Variants in NAA30 observed in about 807,000 individuals in gnomAD.
NAA30 encodes N-alpha-acetyltransferase 30.
A neutral mutation model predicts 31.4 loss-of-function variants in NAA30; 5 were observed. That is an observed-to-expected ratio of 0.16 (90% CI 0.08 to 0.33). The LOEUF (loss-of-function observed/expected upper bound fraction) is 0.33. Ranked by LOEUF, NAA30 falls within the 10% of genes least tolerant of loss-of-function variation. NAA30 has a pLI of 1.00. For missense variants in NAA30, 428 were observed against 490.8 expected (o/e 0.87, Z 1.21); for synonymous variants, 222 against 207.1 (o/e 1.07, Z -0.62).
intron 4 of NAA30, among the ~76,000 whole-genome samples, chr14:57,405,244 G>A (rs576135932): frequency 3.3e-5 from 5 of 152,016 alleles, no homozygotes; most frequent in South Asian, 2.1e-4. Flanking sequence ...TAGATTATTA[G>A]GAGCCAAGAA....
At chr14:57,395,237 A>T (rs903973263) in intron 2 of NAA30, among the ~76,000 whole-genome samples, 1 of 152,180 alleles carries the variant, frequency 6.6e-6, no homozygotes, top group Non-Finnish European at 1.5e-5. Context: ...ATATTCCTTC[A>T]AAAGGATTTT....
chr14:57,391,199 A>G lies in NAA30; in HGVS notation c.242A>G (p.Gln81Arg). 6.2e-7 allele frequency: 1 copy of G among 1,611,702 alleles called. No individual in the cohort carries two copies. The highest frequency in any genetic ancestry group is 1.1e-5 in the South Asian group (1 of 91,040). ...CGCTGCCCTCAGCCGCCGCAGGAGC[A>G]GCAGCAGCTCAACGGATTGATTAGC... ...CLRCPQPPQEQQQLNGLISPE... is the reference protein window; with the variant it reads ...CLRCPQPPQERQQLNGLISPE... The change falls in exon 2 of 5, where the codon CAG (glutamine) becomes CGG (arginine). Residue 81 changes from glutamine (Q) to arginine (R), a missense_variant. Around this residue, in one of 2 missense-constraint regions of NAA30, gnomAD observed 349 missense variants for 310.4 expected, o/e 1.12. Transcript: ENST00000556492. This position sits in a 1 kb window ranked among gnomAD's most constrained non-coding sequence, Gnocchi z 4.1.
chr14:57,398,346 G>A (rs1166442478), intron 3 of NAA30, among the ~76,000 whole-genome samples: 1 of 152,158 alleles, frequency 6.6e-6, no homozygotes, highest in Non-Finnish European at 1.5e-5. Flanking sequence ...CTAGTTTGGA[G>A]GGCAGAAACC....
intron 4 of NAA30, among the ~76,000 whole-genome samples, chr14:57,402,401 A>G (rs539488860): frequency 6.6e-6 from 1 of 152,316 alleles, no homozygotes; most frequent in East Asian, 1.9e-4. Flanking sequence ...TTTGTGATAG[A>G]GTACCTGCTT....
At chr14:57,403,128 C>T (rs1243225571) in intron 4 of NAA30, among the ~76,000 whole-genome samples, 2 of 151,918 alleles carry the variant, frequency 1.3e-5, no homozygotes, top group Admixed American at 1.3e-4. Context: ...TTGCAGTGAG[C>T]CAAGATTGCA....
chr14:57,392,409 AT>A (rs199745313), intron 2 of NAA30, among the ~76,000 whole-genome samples: 10,275 of 146,244 alleles, frequency 0.07, 433 homozygotes, highest in East Asian at 0.27. Flanking sequence ...TACCGATCTG[AT>A]TTTTTTTTTT....
chr14:57,406,687 G>T (rs901263403), intron 4 of NAA30, among the ~76,000 whole-genome samples: 1 of 152,102 alleles, frequency 6.6e-6, no homozygotes, highest in Non-Finnish European at 1.5e-5. Flanking sequence ...GTTTTGAGTT[G>T]TTGTGACTTT....
In NAA30 at chr14:57,391,701, C is replaced by T. The variant is rs1241545573; in HGVS notation, c.744C>T (p.Ile248=). The part of the protein sequence containing the change: ...PYSIYTYRYF[I]HNWPQLCFLA... ...CCATTTATACCTATAGATATTTTAT[C>T]CACAACTGGCCACAGCTGTGCTTCT... is the stretch of plus-strand genomic sequence containing the variant. Residue 248 remains isoleucine (I), a synonymous_variant, in exon 2 of 5, where the codon ATC becomes ATT. Transcript: ENST00000556492. This position sits in a 1 kb window ranked among gnomAD's most constrained non-coding sequence, Gnocchi z 4.1. 1 of 1,609,796 alleles carries T rather than the reference C, an allele frequency of 6.2e-7. No homozygotes were observed. The highest frequency in any genetic ancestry group is 1.7e-5 in the Admixed American group (1 of 59,722).
At chr14:57,402,383 G>A (rs2066480797) in intron 4 of NAA30, among the ~76,000 whole-genome samples, 1 of 152,212 alleles carries the variant, frequency 6.6e-6, no homozygotes, top group African/African-American at 2.4e-5. Flanking sequence ...TTAGTGCTTA[G>A]TGTGACATTT....
In NAA30 at chr14:57,403,848, G is replaced by A. The variant is rs1324955084; in HGVS notation, c.951+3965G>A. On this transcript the variant is annotated intron_variant, in intron 4 of 4. Transcript: ENST00000556492. ...TGTACCTAAAATCAACCTACTTGGTGGCCATTTACATTTATGTACTTTTTT... is the reference window on the plus strand; with the variant it reads ...TGTACCTAAAATCAACCTACTTGGTAGCCATTTACATTTATGTACTTTTTT... Among the ~76,000 whole-genome samples, 17 of 152,132 alleles carry A rather than the reference G, an allele frequency of 1.1e-4. 1 individual carries two copies. In the East Asian group the frequency reaches 3.3e-3, roughly 29 times the overall value.
intron 4 of NAA30, among the ~76,000 whole-genome samples, chr14:57,408,133 T>C (rs1341235172): frequency 1.3e-5 from 2 of 152,214 alleles, no homozygotes; most frequent in African/African-American, 2.4e-5. Flanking sequence ...TGTCAGACTT[T>C]TTGATAGCTT....
At chr14:57,398,241 A>G (rs2066459535) in intron 3 of NAA30, among the ~76,000 whole-genome samples, 1 of 152,108 alleles carries the variant, frequency 6.6e-6, no homozygotes, top group African/African-American at 2.4e-5. Flanking sequence ...TAAGATTTTT[A>G]ATGAATTGGG....
Position 57,410,494 on chromosome 14 carries a change from T to G in NAA30, c.*978T>G, listed in dbSNP as rs945337909. The G allele has an allele frequency of 6.6e-6, 1 of 152,578 alleles. No individual in the cohort carries two copies. Among genetic ancestry groups the G allele is most frequent in the African/African-American group, 2.4e-5 (1 of 41,466 alleles). 9.5% of individuals were successfully genotyped at this position (152,578 alleles called of 1,614,324 possible). ...CTGCTACGCTGCGAAGAACAGCTTT[T>G]ACAAAGTAGCTGAATTTGTTTTTCC... is the stretch of plus-strand genomic sequence containing the variant. On this transcript the variant is annotated 3_prime_UTR_variant, in exon 5 of 5. Coordinates refer to ENST00000556492, the MANE Select transcript of NAA30 (RefSeq NM_001011713.3).
intron 2 of NAA30, 35 bp from the exon 3 acceptor site, chr14:57,396,717 A>G (rs773643901): frequency 3.9e-5 from 63 of 1,612,256 alleles, no homozygotes; most frequent in Non-Finnish European, 5.1e-5. Context: ...ACCTGATGGC[A>G]ATGTATTCTT....
intron 4 of NAA30, among the ~76,000 whole-genome samples, chr14:57,404,820 C>G (rs115214129): frequency 9.2e-5 from 14 of 152,082 alleles, no homozygotes; most frequent in South Asian, 2.1e-4. Context: ...AATTCACTCA[C>G]GAGAACAGCA....
At position 57,413,290 on chromosome 14, in the gene NAA30, A is replaced by C. The variant is rs2066531738; in HGVS notation, c.*3774A>C. Reference sequence around the variant, plus strand: ...ATCTGTTTTAATCATTTAACTGCTAAATTACTTTTATCATGCATGCCAAAT... The same window carrying C: ...ATCTGTTTTAATCATTTAACTGCTACATTACTTTTATCATGCATGCCAAAT... On this transcript the variant is annotated 3_prime_UTR_variant, in exon 5 of 5. Coordinates refer to ENST00000556492, the MANE Select transcript of NAA30 (RefSeq NM_001011713.3). The C allele has an allele frequency of 6.6e-6, 1 of 152,180 alleles. No individual in the cohort carries two copies. The highest frequency in any genetic ancestry group is 2.4e-5 in the African/African-American group (1 of 41,442). 9.4% of individuals were successfully genotyped at this position (152,180 alleles called of 1,614,324 possible). A position where few individuals can be genotyped will look rare whatever the true frequency, so the allele number is the denominator to read the frequency against.
In NAA30 at chr14:57,391,433, C is replaced by T. The variant is rs1263173457; in HGVS notation, c.476C>T (p.Ala159Val). 2 of 1,606,370 alleles carry T rather than the reference C, an allele frequency of 1.2e-6. No individual in the cohort carries two copies. The highest frequency in any genetic ancestry group is 8.5e-7 in the Non-Finnish European group (1 of 1,176,730). ...AVPSPVEAAA[A>V]SDPAAARNGL... ...CCCAGCCCGGTGGAGGCAGCGGCGGCGAGCGATCCCGCGGCGGCCCGCAAT... is the reference window on the plus strand; with the variant it reads ...CCCAGCCCGGTGGAGGCAGCGGCGGTGAGCGATCCCGCGGCGGCCCGCAAT... The change falls in exon 2 of 5, where the codon GCG becomes GTG. Residue 159 changes from alanine to valine, a missense_variant. This residue lies in a region of NAA30 where 349 missense variants were observed against 310.4 expected (regional missense o/e 1.12). Transcript: ENST00000556492. The surrounding 1 kb of genome is among the most constrained non-coding windows in gnomAD (Gnocchi z 4.1).
At chr14:57,399,989 A>G (rs2066467821) in intron 4 of NAA30, 106 bp downstream of exon 4, 3 of 545,912 alleles carry the variant, frequency 5.5e-6, no homozygotes, top group Admixed American at 3.0e-5. Context: ...CAGTGTTACT[A>G]TACAAATGCA....
rs1484651374 is a variant in NAA30, at chr14:57,391,298, C to T, written c.341C>T (p.Thr114Ile). The T allele has an allele frequency of 6.2e-7, 1 of 1,610,414 alleles. No homozygotes were observed. The highest frequency in any genetic ancestry group is 1.7e-5 in the Admixed American group (1 of 59,714). Residue 114 changes from threonine (T) to isoleucine (I), a missense_variant, in exon 2 of 5, where the codon ACC becomes ATC. Thr to Ile is a moderately conservative substitution (Grantham distance 89). Coordinates refer to ENST00000556492, the MANE Select transcript of NAA30 (RefSeq NM_001011713.3). This position sits in a 1 kb window ranked among gnomAD's most constrained non-coding sequence, Gnocchi z 4.1. Reference protein sequence around the residue: ...KVLSVAEVAATTATPDGGPRA... With the variant: ...KVLSVAEVAAITATPDGGPRA... Reference sequence around the variant, plus strand: ...CTGAGCGTAGCAGAGGTGGCCGCGACCACAGCCACCCCTGACGGAGGCCCC... The same window carrying T: ...CTGAGCGTAGCAGAGGTGGCCGCGATCACAGCCACCCCTGACGGAGGCCCC...
Sources: allele counts gnomAD v4.1 joint callset (sites outside exome capture counted in the v4.1 genomes callset), GRCh38; gene constraint gnomAD v4.1.1; regional missense constraint gnomAD v4.1.1; non-coding constraint Gnocchi (gnomAD v3.1); transcripts MANE v1.5; gene names NCBI Gene and HGNC (gene_info 2026-07-23, HGNC 2026-07-21).